UBE3D: variants seen among roughly 807,000 people sequenced by gnomAD.
UBE3D encodes ubiquitin protein ligase E3D, also known as E3 ubiquitin-protein ligase E3D.
UBE3D carries 48 observed loss-of-function variants against 49.6 expected under a neutral mutation model. The ratio of observed to expected loss-of-function variants is 0.97; its 90% CI spans 0.77 to 1.23. The LOEUF is 1.23. Ranked by LOEUF, UBE3D falls within the 50% of genes most tolerant of loss-of-function variation. The probability of loss-of-function intolerance (pLI) is 0.00; values close to 1 mark genes in which losing one functional copy is unlikely to be tolerated. For missense variants in UBE3D, 452 were observed against 468.4 expected, an observed-to-expected ratio of 0.96 and a Z score of 0.32; for synonymous variants, 189 against 174.2, an observed-to-expected ratio of 1.08 and a Z score of -0.67.
intron 8 of UBE3D, among the ~76,000 whole-genome samples, chr6:83,016,094 G>C (rs536980353): frequency 1.3e-5 from 2 of 152,122 alleles, no homozygotes; most frequent in Non-Finnish European, 2.9e-5. Context: ...CATGATAAAA[G>C]CTTTTGTCTG....
intron 9 of UBE3D, among the ~76,000 whole-genome samples, chr6:82,953,415 T>C (rs897832347): frequency 5.3e-5 from 8 of 152,250 alleles, no homozygotes; most frequent in African/African-American, 9.6e-5. Context: ...TCAATGTGGA[T>C]ACCCATCTGT....
At chr6:82,968,929 A>G (rs886427326) in intron 8 of UBE3D, among the ~76,000 whole-genome samples, 4 of 152,204 alleles carry the variant, frequency 2.6e-5, no homozygotes, top group African/African-American at 9.7e-5. Flanking sequence ...GAATGCCATC[A>G]GTAGCCTCAA....
At chr6:83,046,463 A>T (rs1377434319) in intron 3 of UBE3D, among the ~76,000 whole-genome samples, 4 of 152,160 alleles carry the variant, frequency 2.6e-5, no homozygotes, top group African/African-American at 9.7e-5. Flanking sequence ...GAGCCTGTTA[A>T]GCATACTGAG....
intron 9 of UBE3D, among the ~76,000 whole-genome samples, chr6:82,896,208 T>C (rs1050315953): frequency 6.6e-6 from 1 of 152,136 alleles, no homozygotes; most frequent in Non-Finnish European, 1.5e-5. Flanking sequence ...AAAAATTACT[T>C]CCCCTAACTG....
intron 9 of UBE3D, among the ~76,000 whole-genome samples, chr6:82,911,196 CAAAAAAAAAAAA>C (rs1156620624): frequency 5.1e-5 from 2 of 39,338 alleles, no homozygotes; most frequent in Admixed American, 3.5e-4. Context: ...AACATTTTGG[CAAAAAAAAAAAA>C]AAAAAAAAAA....
chr6:82,905,186 G>A (rs922798473), intron 9 of UBE3D, among the ~76,000 whole-genome samples: 2 of 152,146 alleles, frequency 1.3e-5, no homozygotes, highest in African/African-American at 2.4e-5. Flanking sequence ...GTACTTTGCA[G>A]ATACAGCATT....
At chr6:82,974,398 G>A (rs560892608) in intron 8 of UBE3D, among the ~76,000 whole-genome samples, 2 of 152,200 alleles carry the variant, frequency 1.3e-5, no homozygotes, top group African/African-American at 2.4e-5. Flanking sequence ...CATGGTGCTC[G>A]CTACACCCTT....
At chr6:83,056,688 C>A (rs1428708353) in intron 2 of UBE3D, among the ~76,000 whole-genome samples, 1 of 152,186 alleles carries the variant, frequency 6.6e-6, no homozygotes, top group East Asian at 1.9e-4. Flanking sequence ...CCCTCTCTAT[C>A]TTCTCTTTCC....
chr6:82,992,886 G>C (rs1778988022), intron 8 of UBE3D, among the ~76,000 whole-genome samples: 1 of 151,956 alleles, frequency 6.6e-6, no homozygotes, highest in Admixed American at 6.6e-5. Context: ...CTGGGTATTT[G>C]TCAGATAAGT....
Position 82,971,899 on chromosome 6 carries a change from T to C in UBE3D, c.1011-14449A>G, listed in dbSNP as rs562914172. On this transcript the variant is annotated intron_variant, in intron 8 of 9. Coordinates refer to ENST00000369747, the MANE Select transcript of UBE3D (RefSeq NM_198920.3). ...GGAGTTGCATTAGAGGTATTCAAAA[T>C]GTTTGACGCTTTCTTCTTTGATGAT... is the stretch of plus-strand genomic sequence containing the variant. Among the ~76,000 whole-genome samples the C allele has an allele frequency of 4.8e-3, 730 of 152,328 alleles. 1 individual carries two copies. The highest frequency in any genetic ancestry group is 0.031 in the Middle Eastern group (9 of 294).
At chr6:82,902,924 T>C (rs1159438814) in intron 9 of UBE3D, among the ~76,000 whole-genome samples, 4 of 152,176 alleles carry the variant, frequency 2.6e-5, no homozygotes, top group Non-Finnish European at 4.4e-5. Flanking sequence ...AAATTATAAG[T>C]GAAGACTCAA....
At chr6:82,927,573 CT>C (rs1243947867) in intron 9 of UBE3D, among the ~76,000 whole-genome samples, 1 of 151,944 alleles carries the variant, frequency 6.6e-6, no homozygotes, top group African/African-American at 2.4e-5. Flanking sequence ...TCAAAGAGAT[CT>C]TATACATATT....
At chr6:82,917,931 G>A (rs149162337) in intron 9 of UBE3D, among the ~76,000 whole-genome samples, 179 of 152,150 alleles carry the variant, frequency 1.2e-3, no homozygotes, top group African/African-American at 4.0e-3. Flanking sequence ...TTTTCCAGCC[G>A]GACCAGCCTG....
chr6:82,922,966 C>G (rs910790837), intron 9 of UBE3D, among the ~76,000 whole-genome samples: 5 of 152,208 alleles, frequency 3.3e-5, no homozygotes, highest in African/African-American at 1.2e-4. Context: ...AAATGCTCAT[C>G]ATCACTGGTC....
chr6:82,989,809 G>T lies in UBE3D; in HGVS notation c.1010+29164C>A, dbSNP rs76367667. 2.9e-4 allele frequency among the ~76,000 whole-genome samples: 44 copies of T among 152,212 alleles called. No homozygotes were observed. The East Asian group carries it at 8.3e-3, about 29-fold the overall frequency. On this transcript the variant is annotated intron_variant, in intron 8 of 9. Transcript: ENST00000369747. ...ATACACATCAATTACTTATATGTAA[G>T]CCCTGCTTCCCTCAATGAAACCTTT...
rs1011332201 is a variant in UBE3D, at chr6:83,048,067, G to A, written c.366-3408C>T. Among the ~76,000 whole-genome samples the A allele has an allele frequency of 1.4e-4, 15 of 107,746 alleles. No individual in the cohort carries two copies. The Admixed American group carries it at 2.0e-3, about 15-fold the overall frequency. The allele number at this position is 107,746 out of a possible 152,430, so 70.7% of individuals were successfully genotyped here. A position where few individuals can be genotyped will look rare whatever the true frequency, so the allele number is the denominator to read the frequency against. On this transcript the variant is annotated intron_variant, in intron 3 of 9. Transcript: ENST00000369747. The stretch of plus-strand genomic sequence containing the variant: ...ACTGCACTCCAGCCTGGGCAACAGG[G>A]AGACTCCAGCTCAAAAAAAAAAAAA...
Position 82,957,464 on chromosome 6 carries a change from A to T in UBE3D, c.1011-14T>A, listed in dbSNP as rs765101319. Reference sequence around the variant, plus strand: ...AAGCTGACAAGTCTGGAACACACCAACACATTAACTTTCAAAAATGCATTA... The same window carrying T: ...AAGCTGACAAGTCTGGAACACACCATCACATTAACTTTCAAAAATGCATTA... On this transcript the variant is annotated splice_polypyrimidine_tract_variant and intron_variant, in intron 8 of 9. Transcript: ENST00000369747. The T allele has an allele frequency of 1.3e-5, 20 of 1,596,442 alleles. No homozygotes were observed. The Middle Eastern group carries it at 6.7e-4, about 53-fold the overall frequency.
chr6:83,021,749 G>A lies in UBE3D; in HGVS notation c.846+704C>T, dbSNP rs142731991. Among the ~76,000 whole-genome samples the A allele has an allele frequency of 9.6e-3, 1,464 of 151,928 alleles. 22 individuals are homozygous for A. The highest frequency in any genetic ancestry group is 0.033 in the African/African-American group (1,387 of 41,434). On this transcript the variant is annotated intron_variant, in intron 7 of 9. Transcript: ENST00000369747. ...CCGGGCGTGGTGGCGGGCGCCTGTA[G>A]TCCCACCTACTCGGGAGACTGGGGC...
chr6:82,919,717 T>C (rs562321267), intron 9 of UBE3D, among the ~76,000 whole-genome samples: 1 of 152,290 alleles, frequency 6.6e-6, no homozygotes, highest in Admixed American at 6.5e-5. Context: ...AAGGTTCAAT[T>C]ACTAGCATGG....
Sources: gnomAD v4.1 joint callset for allele counts (sites outside exome capture counted in the v4.1 genomes callset) on GRCh38, gnomAD v4.1.1 for gene constraint, MANE v1.5 for transcripts, NCBI Gene and HGNC (gene_info 2026-07-23, HGNC 2026-07-21) for gene names.